The following ALK variants were observed in gnomAD, a reference collection of about 807,000 sequenced individuals.
ALK encodes ALK receptor tyrosine kinase, also known as ALK tyrosine kinase receptor.
A neutral mutation model predicts 163.1 loss-of-function variants in ALK; 74 were observed. The ratio of observed to expected loss-of-function variants is 0.45; its 90% CI spans 0.38 to 0.55. The LOEUF is 0.55. Ranked by LOEUF, ALK falls within the 20% of genes least tolerant of loss-of-function variation. The pLI, the probability that ALK is intolerant of heterozygous loss-of-function variation, is 0.00. For synonymous variants in ALK, 960 were observed against 843.2 expected (o/e 1.14, Z -2.40); for missense variants, 2,063 against 2,105.3 (o/e 0.98, Z 0.39).
intron 4 of ALK, among the ~76,000 whole-genome samples, chr2:29,432,412 A>G (rs1265439664): frequency 6.6e-6 from 1 of 152,122 alleles, no homozygotes; most frequent in East Asian, 1.9e-4. Flanking sequence ...AAGCTTCCTG[A>G]GGCCTCATCA....
rs181007507 is a variant in ALK at position 29,380,553 on chromosome 2, G to A, written c.1282+3179C>T. Among the ~76,000 whole-genome samples, 701 of 152,174 alleles carry A rather than the reference G, an allele frequency of 4.6e-3. 8 individuals carry two copies. The highest frequency in any genetic ancestry group is 0.016 in the African/African-American group (673 of 41,508). On this transcript the variant is annotated intron_variant, in intron 5 of 28. Transcript: ENST00000389048. ...CCTGCCTCAGCCTCCTGAGTAGTTG[G>A]GATTACAGGCATGTGCCACCACGCC...
intron 1 of ALK, among the ~76,000 whole-genome samples, chr2:29,888,951 T>G (rs1667061542): frequency 6.6e-6 from 1 of 152,154 alleles, no homozygotes. Flanking sequence ...TTTTGTTAAG[T>G]GAAGTCCTAA....
In ALK at chr2:29,305,566, T is replaced by G. The variant is rs142032948; in HGVS notation, c.1648-8509A>C. ...ACCTTCATTTCCCTTACACAGTCCT[T>G]GGTTAGAGGTCCCTTGATATCATTT... On this transcript the variant is annotated intron_variant, in intron 8 of 28. Coordinates refer to ENST00000389048, the MANE Select transcript of ALK (RefSeq NM_004304.5). Among the ~76,000 whole-genome samples the G allele has an allele frequency of 3.7e-3, 566 of 152,290 alleles. 8 individuals are homozygous for G. The highest frequency in any genetic ancestry group is 0.013 in the African/African-American group (532 of 41,546).
At chr2:29,257,638 G>C (rs1326319409) in intron 11 of ALK, among the ~76,000 whole-genome samples, 1 of 152,190 alleles carries the variant, frequency 6.6e-6, no homozygotes, top group African/African-American at 2.4e-5. Flanking sequence ...GGAGGCCTGT[G>C]TGTATTGTAC....
intron 1 of ALK, among the ~76,000 whole-genome samples, chr2:29,907,951 A>T (rs545470652): frequency 7.2e-5 from 11 of 151,730 alleles, no homozygotes; most frequent in African/African-American, 2.7e-4. Context: ...TAGACTTTTG[A>T]CTCCTTCTCA....
chr2:29,374,061 G>A (rs1251252731), intron 5 of ALK, among the ~76,000 whole-genome samples: 1 of 152,212 alleles, frequency 6.6e-6, no homozygotes, highest in Non-Finnish European at 1.5e-5. Flanking sequence ...GCAAGGCGCA[G>A]ATGGAAAGGC....
chr2:29,226,671 G>A (rs879627720), intron 18 of ALK, among the ~76,000 whole-genome samples: 5 of 152,110 alleles, frequency 3.3e-5, no homozygotes, highest in Non-Finnish European at 7.4e-5. Flanking sequence ...ATGTTTAAGT[G>A]GAGGCAGGAT....
intron 2 of ALK, 82 bp from the exon 3 acceptor site, chr2:29,695,096 T>C (rs768120106): frequency 1.2e-5 from 18 of 1,522,018 alleles, no homozygotes; most frequent in Admixed American, 3.4e-5. Flanking sequence ...CACTAGGAGG[T>C]TGGCCTTCAT....
intron 3 of ALK, among the ~76,000 whole-genome samples, chr2:29,637,940 C>G (rs1676589076): frequency 6.6e-6 from 1 of 151,820 alleles, no homozygotes; most frequent in African/African-American, 2.4e-5. Flanking sequence ...TATTAAAACT[C>G]AAGCTGGTAA....
intron 2 of ALK, among the ~76,000 whole-genome samples, chr2:29,715,847 T>G (rs1021240161): frequency 2.6e-5 from 4 of 152,246 alleles, no homozygotes; most frequent in Admixed American, 1.3e-4. Flanking sequence ...AATCAGGAAG[T>G]AATTCTTATC....
intron 1 of ALK, among the ~76,000 whole-genome samples, chr2:29,780,997 G>C (rs375894036): frequency 1.3e-5 from 2 of 152,174 alleles, no homozygotes; most frequent in Admixed American, 1.3e-4. Flanking sequence ...ACTACCCTGG[G>C]CTTCACTCTC....
chr2:29,460,972 A>T lies in ALK; in HGVS notation c.1154+70943T>A, dbSNP rs72792493. On this transcript the variant is annotated intron_variant, in intron 4 of 28. Transcript: ENST00000389048. ...AGTTCTTGGAGGACTTTTAATAAAA[A>T]GTGTTACTCAAGGGAGCACACAAAT... 2.2e-3 allele frequency among the ~76,000 whole-genome samples: 341 copies of T among 152,284 alleles called. 3 individuals carry two copies. The highest frequency in any genetic ancestry group is 7.7e-3 in the African/African-American group (321 of 41,580).
intron 11 of ALK, among the ~76,000 whole-genome samples, chr2:29,269,908 A>G (rs1303176543): frequency 6.6e-6 from 1 of 152,186 alleles, no homozygotes; most frequent in Non-Finnish European, 1.5e-5. Context: ...GCTTTCTTAC[A>G]TGTGCGTGGG....
chr2:29,824,797 T>A (rs1343452651), intron 1 of ALK, among the ~76,000 whole-genome samples: 1 of 152,238 alleles, frequency 6.6e-6, no homozygotes, highest in Non-Finnish European at 1.5e-5. Flanking sequence ...GATGTTGAAC[T>A]GTGGACTTTT....
intron 3 of ALK, among the ~76,000 whole-genome samples, chr2:29,641,356 T>C (rs1676695504): frequency 6.6e-6 from 1 of 152,002 alleles, no homozygotes; most frequent in Non-Finnish European, 1.5e-5. Flanking sequence ...AGTAGGTCAG[T>C]ACCAGAAAAG....
intron 4 of ALK, among the ~76,000 whole-genome samples, chr2:29,432,233 G>A (rs1670289050): frequency 6.6e-6 from 1 of 152,100 alleles, no homozygotes; most frequent in Non-Finnish European, 1.5e-5. Context: ...GGTCATGAGG[G>A]TGGATCCCTC....
intron 5 of ALK, among the ~76,000 whole-genome samples, chr2:29,338,595 G>T (rs1207208455): frequency 6.6e-6 from 1 of 152,164 alleles, no homozygotes; most frequent in Non-Finnish European, 1.5e-5. Flanking sequence ...TCCCTCTGGG[G>T]TGCTGATGCA....
At position 29,701,069 on chromosome 2, in the gene ALK, C is replaced by G. The variant is rs576649167; in HGVS notation, c.788-6055G>C. 2.0e-5 allele frequency among the ~76,000 whole-genome samples: 3 copies of G among 152,322 alleles called. No individual in the cohort carries two copies. The East Asian group carries it at 5.8e-4, about 29-fold the overall frequency. ...CAAGGAGATTGCATGTAGGTTCCAG[C>G]TATTCTCCATAACACCACAAAAGGG... On this transcript the variant is annotated intron_variant, in intron 2 of 28. Transcript: ENST00000389048.
At chr2:29,526,865 C>T (rs1672972463) in intron 4 of ALK, among the ~76,000 whole-genome samples, 1 of 152,224 alleles carries the variant, frequency 6.6e-6, no homozygotes, top group African/African-American at 2.4e-5. Context: ...GGCATCTTTC[C>T]ACAGGTGCCC....
Sources: gnomAD v4.1 joint callset for allele counts (sites outside exome capture counted in the v4.1 genomes callset) on GRCh38, gnomAD v4.1.1 for gene constraint, MANE v1.5 for transcripts, NCBI Gene and HGNC (gene_info 2026-07-23, HGNC 2026-07-21) for gene names.